The following UMAD1 variants were observed in gnomAD, a reference collection of about 807,000 sequenced individuals.
UMAD1 encodes UBAP1-MVB12-associated (UMA)-domain containing protein 1.
Under a neutral mutation model 6.1 loss-of-function variants are expected in UMAD1, and 8 were observed. The ratio of observed to expected loss-of-function variants is 1.30; its 90% CI spans 0.76 to 2.35. The LOEUF is 2.35. Ranked by LOEUF, UMAD1 falls within the 30% of genes most tolerant of loss-of-function variation. UMAD1 has a pLI of 0.00. For synonymous variants in UMAD1, 56 were observed against 31.4 expected, an observed-to-expected ratio of 1.78 and a Z score of -2.61; for missense variants, 130 against 78.4, an observed-to-expected ratio of 1.66 and a Z score of -2.49.
At chr7:7,655,795 T>C (rs1334068836) in intron 1 of UMAD1, among the ~76,000 whole-genome samples, 5 of 151,522 alleles carry the variant, frequency 3.3e-5, no homozygotes, top group African/African-American at 9.7e-5. Flanking sequence ...TGTAGGTATA[T>C]AGTAAGTGTA....
intron 2 of UMAD1, among the ~76,000 whole-genome samples, chr7:7,714,623 C>T (rs971482532): frequency 1.3e-5 from 2 of 152,026 alleles, no homozygotes; most frequent in Non-Finnish European, 2.9e-5. Context: ...TGCTTTAAAA[C>T]AGTTGGAGGT....
intron 2 of UMAD1, among the ~76,000 whole-genome samples, chr7:7,678,557 T>TTATATACTTAATTTATAGATAAATATA: frequency 7.2e-6 from 1 of 138,458 alleles, no homozygotes; most frequent in Non-Finnish European, 1.5e-5. Flanking sequence ...AAATATATAT[T>TTATATACTTAATTTATAGATAAATATA]TATATACTTA....
At chr7:7,785,727 C>A (rs1782449577) in intron 2 of UMAD1, among the ~76,000 whole-genome samples, 1 of 152,102 alleles carries the variant, frequency 6.6e-6, no homozygotes, top group Non-Finnish European at 1.5e-5. Flanking sequence ...TACAAAAGAG[C>A]CAGCTAGCTG....
chr7:7,693,117 A>T (rs1165377306), intron 2 of UMAD1, among the ~76,000 whole-genome samples: 2 of 152,180 alleles, frequency 1.3e-5, no homozygotes, highest in Non-Finnish European at 2.9e-5. Context: ...AGTCAAAAGG[A>T]ACCCCAAAGG....
chr7:7,781,491 A>G (rs1468845157), intron 2 of UMAD1, among the ~76,000 whole-genome samples: 2 of 151,992 alleles, frequency 1.3e-5, no homozygotes, highest in Non-Finnish European at 2.9e-5. Context: ...TGTCATATTT[A>G]TATGTTTATA....
intron 2 of UMAD1, among the ~76,000 whole-genome samples, chr7:7,756,944 C>G (rs1781790479): frequency 6.6e-6 from 1 of 152,178 alleles, no homozygotes; most frequent in Admixed American, 6.5e-5. Flanking sequence ...GTGGTACCTG[C>G]TTGCCTGAGA....
chr7:7,656,107 T>C (rs1223005097), intron 1 of UMAD1, among the ~76,000 whole-genome samples: 1 of 152,098 alleles, frequency 6.6e-6, no homozygotes, highest in East Asian at 1.9e-4. Flanking sequence ...AGTACTGAGA[T>C]TACAGGCATG....
chr7:7,772,728 G>A (rs17550944), intron 2 of UMAD1, among the ~76,000 whole-genome samples: 6,182 of 152,210 alleles, frequency 0.041, 157 homozygotes, highest in South Asian at 0.07. Flanking sequence ...GAGCAGCTGC[G>A]CCCGTTTTCT....
chr7:7,767,128 C>CTTTTTTTTTTTTTTTTTTTTTTT lies in UMAD1; in HGVS notation c.83-34528_83-34527insTTTTTTTTTTTTTTTTTTTTTTT, dbSNP rs71014711. On this transcript the variant is annotated intron_variant, in intron 2 of 3. Coordinates refer to ENST00000682710, the MANE Select transcript of UMAD1 (RefSeq NM_001302348.2). ...AGTGAGCATTTCAAGAAATTAAGCT[C>CTTTTTTTTTTTTTTTTTTTTTTT]TTTTTTTTTTTTTTGAGACGGACTC... 6.5e-3 allele frequency among the ~76,000 whole-genome samples: 847 copies of CTTTTTTTTTTTTTTTTTTTTTTT among 129,604 alleles called. 76 individuals are homozygous for CTTTTTTTTTTTTTTTTTTTTTTT. The highest frequency in any genetic ancestry group is 0.01 in the Non-Finnish European group (622 of 59,624). 85.0% of individuals were successfully genotyped at this position (129,604 alleles called of 152,430 possible). A position where few individuals can be genotyped will look rare whatever the true frequency, so the allele number is the denominator to read the frequency against.
At chr7:7,707,048 CTAAT>C (rs2115163965) in intron 2 of UMAD1, among the ~76,000 whole-genome samples, 1 of 152,242 alleles carries the variant, frequency 6.6e-6, no homozygotes, top group East Asian at 1.9e-4. Context: ...TGTCAGGACA[CTAAT>C]TAATTAGCAT....
intron 1 of UMAD1, among the ~76,000 whole-genome samples, chr7:7,652,594 A>G (rs1785248653): frequency 6.6e-6 from 1 of 152,232 alleles, no homozygotes; most frequent in South Asian, 2.1e-4. Flanking sequence ...GAGAGGTGGT[A>G]GAGAAGTAGG....
At chr7:7,854,697 G>A (rs1005444667) in intron 3 of UMAD1, among the ~76,000 whole-genome samples, 18 of 152,048 alleles carry the variant, frequency 1.2e-4, no homozygotes, top group Non-Finnish European at 2.4e-4. Context: ...ACCCCTGGCC[G>A]CTCCCAGATC....
At chr7:7,640,879 CAG>C (rs749504368) in intron 1 of UMAD1, 58 bp downstream of exon 1, 2 of 180,600 alleles carry the variant, frequency 1.1e-5, no homozygotes, top group South Asian at 8.9e-5. Context: ...TTCCCGCGAA[CAG>C]AGTCAAAAGA....
chr7:7,798,241 C>T (rs1037895491), intron 2 of UMAD1, among the ~76,000 whole-genome samples: 3 of 152,166 alleles, frequency 2.0e-5, no homozygotes, highest in Non-Finnish European at 2.9e-5. Context: ...GCCAACCCCT[C>T]GTCTAAAATA....
At chr7:7,666,184 T>TTTTGTTTG (rs146878102) in intron 1 of UMAD1, among the ~76,000 whole-genome samples, 2 of 150,202 alleles carry the variant, frequency 1.3e-5, no homozygotes, top group African/African-American at 4.9e-5. Context: ...GGAAAGTGTT[T>TTTTGTTTG]TTTGTTTGTT....
chr7:7,827,761 A>G (rs1010399080), intron 3 of UMAD1, among the ~76,000 whole-genome samples: 4 of 152,192 alleles, frequency 2.6e-5, no homozygotes, highest in African/African-American at 9.7e-5. Flanking sequence ...TATATGGCTT[A>G]ATGGCATGTG....
intron 3 of UMAD1, among the ~76,000 whole-genome samples, chr7:7,863,888 A>G (rs1784173917): frequency 6.6e-6 from 1 of 152,206 alleles, no homozygotes; most frequent in South Asian, 2.1e-4. Context: ...AAGGAGAAAG[A>G]GACTCTCCCT....
intron 2 of UMAD1, among the ~76,000 whole-genome samples, chr7:7,739,977 A>G (rs923709988): frequency 6.6e-6 from 1 of 152,258 alleles, no homozygotes; most frequent in African/African-American, 2.4e-5. Flanking sequence ...ATAGGAAGGC[A>G]GCTTAAATAA....
chr7:7,804,349 A>G (rs1024144196), intron 3 of UMAD1, among the ~76,000 whole-genome samples: 48 of 152,244 alleles, frequency 3.2e-4, no homozygotes, highest in African/African-American at 1.0e-3. Flanking sequence ...TAAGCATCTA[A>G]CATGGGATTT....
Sources: gnomAD v4.1 joint callset for allele counts (sites outside exome capture counted in the v4.1 genomes callset) on GRCh38, gnomAD v4.1.1 for gene constraint, MANE v1.5 for transcripts, NCBI Gene and HGNC (gene_info 2026-07-23, HGNC 2026-07-21) for gene names.